The following VIL1 variants were observed in gnomAD, a reference collection of about 807,000 sequenced individuals.
VIL1 encodes villin-1.
A neutral mutation model predicts 104.0 loss-of-function variants in VIL1; 86 were observed. The observed-to-expected ratio is 0.83, with a 90% CI of 0.69 to 0.99. The LOEUF (loss-of-function observed/expected upper bound fraction) is 0.99. Ranked by LOEUF, VIL1 falls within the 50% of genes least tolerant of loss-of-function variation. The pLI is 0.00. For missense variants in VIL1, 944 were observed against 1,054.1 expected, an observed-to-expected ratio of 0.90 and a Z score of 1.45; for synonymous variants, 394 against 412.6, an observed-to-expected ratio of 0.95 and a Z score of 0.55.
At chr2:218,439,432 G>A (rs1352855996) in intron 18 of VIL1, among the ~76,000 whole-genome samples, 1 of 152,134 alleles carries the variant, frequency 6.6e-6, no homozygotes, top group Non-Finnish European at 1.5e-5. Context: ...ACTACACTTT[G>A]AGAAATAATG....
intron 19 of VIL1, among the ~76,000 whole-genome samples, chr2:218,447,504 G>A (rs1004069556): frequency 6.6e-6 from 1 of 151,804 alleles, no homozygotes; most frequent in Admixed American, 6.6e-5. Flanking sequence ...TTTTTTGGTA[G>A]AGATGGGGTT....
intron 17 of VIL1, 35 bp downstream of exon 17, chr2:218,437,347 C>T: frequency 6.2e-7 from 1 of 1,602,916 alleles, no homozygotes; most frequent in Non-Finnish European, 8.5e-7. Flanking sequence ...CCTTCTCTAG[C>T]CCTGCCTGGA....
In VIL1 at chr2:218,435,318, C is replaced by T. The variant is rs1215429789; in HGVS notation, c.1710C>T (p.Ala570=). The T allele has an allele frequency of 6.2e-7, 1 of 1,614,048 alleles. No individual in the cohort carries two copies. Among genetic ancestry groups the T allele is most frequent in the South Asian group, 1.1e-5 (1 of 91,074 alleles). Reference sequence around the variant, plus strand: ...GTAGCGGGGACGAGCGGGAGATGGCCAAGATGGTTGCTGACACCATCTCCC... The same window carrying T: ...GTAGCGGGGACGAGCGGGAGATGGCTAAGATGGTTGCTGACACCATCTCCC... ...KGCSGDEREM[A]KMVADTISRT... Residue 570 remains alanine (A), a synonymous_variant, in exon 15 of 20, where the codon GCC becomes GCT. Transcript: ENST00000248444.
At position 218,430,851 on chromosome 2, in the gene VIL1, G is replaced by A. The variant is rs767467622; in HGVS notation, c.1075G>A (p.Gly359Ser). ...AGCGTCCAACCGGACCTCAGGCCTAGGCAAAACCCACACTGTGGGCTCCGT... is the reference window on the plus strand; with the variant it reads ...AGCGTCCAACCGGACCTCAGGCCTAAGCAAAACCCACACTGTGGGCTCCGT... ...WTASNRTSGL[G>S]KTHTVGSVAK... The change falls in exon 10 of 20, where the codon GGC becomes AGC. Residue 359 changes from glycine to serine, a missense_variant. By Grantham distance (56) the Gly-to-Ser change is moderately conservative (BLOSUM62 0). Transcript: ENST00000248444. 2 of 1,613,954 alleles carry A rather than the reference G, an allele frequency of 1.2e-6. No homozygotes were observed. The highest frequency in any genetic ancestry group is 1.7e-6 in the Non-Finnish European group (2 of 1,179,912).
chr2:218,439,851 A>G (rs1689258350), intron 18 of VIL1, among the ~76,000 whole-genome samples: 3 of 151,882 alleles, frequency 2.0e-5, no homozygotes, highest in Admixed American at 2.0e-4. Context: ...GAAAAAAGAA[A>G]AGAAAAAAAA....
intron 1 of VIL1, 146 bp from the exon 2 acceptor site, chr2:218,423,622 G>T (rs1354307697): frequency 4.3e-6 from 3 of 699,672 alleles, no homozygotes; most frequent in South Asian, 1.8e-5. Context: ...AAGCGGAAAT[G>T]GTCCCTGAGT....
At chr2:218,439,816 CAAAA>C (rs35708356) in intron 18 of VIL1, among the ~76,000 whole-genome samples, 6 of 51,200 alleles carry the variant, frequency 1.2e-4, no homozygotes, top group Non-Finnish European at 2.7e-4. Context: ...GACCCTGTCT[CAAAA>C]AAAAAAAAAA....
chr2:218,434,777 T>C lies in VIL1; in HGVS notation c.1680+72T>C, dbSNP rs1689159889. The C allele has an allele frequency of 2.6e-6, 4 of 1,514,432 alleles. No individual in the cohort carries two copies. The African/African-American group carries it at 4.2e-5, about 16-fold the overall frequency. 93.8% of individuals were successfully genotyped at this position (1,514,432 alleles called of 1,614,324 possible). A position where few individuals can be genotyped will look rare whatever the true frequency, so the allele number is the denominator to read the frequency against. On this transcript the variant is annotated intron_variant, in intron 14 of 19. Transcript: ENST00000248444. Reference sequence around the variant, plus strand: ...GAGTCCCCCAGTTTCGCAGCAGCCCTAGGTCAGGGCAGGAACCCCTGGCCA... The same window carrying C: ...GAGTCCCCCAGTTTCGCAGCAGCCCCAGGTCAGGGCAGGAACCCCTGGCCA...
At chr2:218,431,040 T>C (rs780683413) in intron 10 of VIL1, 162 bp downstream of exon 10, 25 of 951,258 alleles carry the variant, frequency 2.6e-5, no homozygotes, top group Non-Finnish European at 3.6e-5. Flanking sequence ...GGACAAACTC[T>C]AGTTGTCACA....
At chr2:218,421,091 T>G (rs1407490009) in intron 1 of VIL1, among the ~76,000 whole-genome samples, 1 of 151,874 alleles carries the variant, frequency 6.6e-6, no homozygotes, top group Non-Finnish European at 1.5e-5. Flanking sequence ...CTGGAAGAAA[T>G]GAGATCTAAA....
rs771766069 is a variant in VIL1 at position 218,430,710 on chromosome 2, C to T, written c.949-15C>T. On this transcript the variant is annotated splice_polypyrimidine_tract_variant and intron_variant, in intron 9 of 19. Coordinates refer to ENST00000248444, the MANE Select transcript of VIL1 (RefSeq NM_007127.3). ...GGGGAGGTGCATAGCTTCCAGCCAC[C>T]CCTTTCTCTTCCAGAACTTCATCAA... 7 of 1,566,784 alleles carry T rather than the reference C, an allele frequency of 4.5e-6. No individual in the cohort carries two copies. Among genetic ancestry groups the T allele is most frequent in the Non-Finnish European group, 6.1e-6 (7 of 1,154,442 alleles).
intron 4 of VIL1, among the ~76,000 whole-genome samples, chr2:218,427,360 G>T (rs1469442375): frequency 1.4e-5 from 2 of 142,176 alleles, no homozygotes; most frequent in African/African-American, 5.3e-5. Context: ...GTCTCACTCT[G>T]TCGCTTAGGC....
At chr2:218,444,567 C>A (rs1479618371) in intron 19 of VIL1, among the ~76,000 whole-genome samples, 1 of 152,212 alleles carries the variant, frequency 6.6e-6, no homozygotes, top group Non-Finnish European at 1.5e-5. Context: ...CGTGAGCCAC[C>A]GTGCCCGGCC....
At chr2:218,424,182 T>C (rs2106390094) in intron 2 of VIL1, 95 bp from the exon 3 acceptor site, 1 of 1,106,284 alleles carries the variant, frequency 9.0e-7, no homozygotes, top group Non-Finnish European at 1.3e-6. Context: ...GGCCCGGCTC[T>C]TTGTCTCCGA....
chr2:218,424,217 C>A, intron 2 of VIL1, 60 bp from the exon 3 acceptor site: 1 of 1,513,074 alleles, frequency 6.6e-7, no homozygotes, highest in Non-Finnish European at 9.2e-7. Context: ...GGGCCCTCCT[C>A]CCAGGCCTAG....
rs1688932266 is a variant in VIL1, at chr2:218,423,778, C to T, written c.-1C>T. 6.2e-7 allele frequency: 1 copy of T among 1,614,040 alleles called. No homozygotes were observed. Among genetic ancestry groups the T allele is most frequent in the African/African-American group, 1.3e-5 (1 of 74,940 alleles). On this transcript the variant is annotated 5_prime_UTR_variant, in exon 2 of 20. Coordinates refer to ENST00000248444, the MANE Select transcript of VIL1 (RefSeq NM_007127.3). ...CGCCTTCTCCCCCAGGCTCACTCAC[C>T]ATGACCAAGCTGAGCGCCCAAGTCA...
chr2:218,431,744 G>A lies in VIL1; in HGVS notation c.1103-113G>A, dbSNP rs183058944. 1.3e-3 allele frequency: 1,121 copies of A among 878,834 alleles called. 1 individual carries two copies. The highest frequency in any genetic ancestry group is 1.5e-3 in the Non-Finnish European group (841 of 542,794). The allele number at this position is 878,834 out of a possible 1,614,324, so 54.4% of individuals were successfully genotyped here. ...TAAGCTACTGAATCTCTCTTGCCTC[G>A]GTTTCCTCATCTGAAAATGAGTCTA... is the stretch of plus-strand genomic sequence containing the variant. On this transcript the variant is annotated intron_variant, in intron 10 of 19. Transcript: ENST00000248444.
At chr2:218,435,539 G>A in intron 15 of VIL1, 105 bp downstream of exon 15, 1 of 1,446,688 alleles carries the variant, frequency 6.9e-7, no homozygotes, top group Non-Finnish European at 9.3e-7. Context: ...TGAGGACTCT[G>A]TGTGTCAGGC....
intron 6 of VIL1, 150 bp from the exon 7 acceptor site, chr2:218,429,135 C>A: frequency 1.1e-6 from 1 of 881,778 alleles, no homozygotes; most frequent in Non-Finnish European, 1.7e-6. Flanking sequence ...GCCTTAAAAG[C>A]TTGACCCCTC....
Sources: allele counts gnomAD v4.1 joint callset (sites outside exome capture counted in the v4.1 genomes callset), GRCh38; gene constraint gnomAD v4.1.1; transcripts MANE v1.5; gene names NCBI Gene and HGNC (gene_info 2026-07-23, HGNC 2026-07-21).